PDE4B: variants seen among roughly 807,000 people sequenced by gnomAD.
PDE4B encodes the protein 3',5'-cyclic-AMP phosphodiesterase 4B.
In PDE4B, 20 loss-of-function variants were observed where a neutral mutation model predicts 82.2. The observed-to-expected ratio is 0.24, with a 90% CI of 0.17 to 0.35. The LOEUF is 0.35. PDE4B is among the 10% of genes least tolerant of loss of function. The probability of loss-of-function intolerance (pLI) is 1.00; values close to 1 mark genes in which losing one functional copy is unlikely to be tolerated. For missense variants in PDE4B, 655 were observed against 907.2 expected (o/e 0.72, Z 3.57); for synonymous variants, 320 against 318.9 (o/e 1.00, Z -0.04).
rs558017980 is a variant in PDE4B, at chr1:66,027,891, C to T, written c.281+109056C>T. On this transcript the variant is annotated intron_variant, in intron 3 of 16. Coordinates refer to ENST00000341517, the MANE Select transcript of PDE4B (RefSeq NM_002600.4). Reference sequence around the variant, plus strand: ...GACTTTGCAGGGTACAGCCCTCCCTCCTGGCTGCTTTCACAGGTGGGTGTT... The same window carrying T: ...GACTTTGCAGGGTACAGCCCTCCCTTCTGGCTGCTTTCACAGGTGGGTGTT... Among the ~76,000 whole-genome samples the T allele has an allele frequency of 4.6e-5, 7 of 152,332 alleles. No homozygotes were observed. In the East Asian group the frequency reaches 1.4e-3, roughly 29 times the overall value.
chr1:66,360,749 T>A (rs1662694358), intron 9 of PDE4B: 1 of 152,218 alleles, frequency 6.6e-6, no homozygotes, highest in Admixed American at 6.5e-5. Flanking sequence ...CTGATATTTT[T>A]AATAGCACAA....
chr1:66,187,421 C>G (rs1647283170), intron 3 of PDE4B, among the ~76,000 whole-genome samples: 1 of 152,190 alleles, frequency 6.6e-6, no homozygotes, highest in Admixed American at 6.5e-5. Flanking sequence ...CCAGTTCCTC[C>G]TTGTACCTCT....
intron 3 of PDE4B, among the ~76,000 whole-genome samples, chr1:65,978,396 G>A (rs772025395): frequency 3.0e-4 from 45 of 150,772 alleles, no homozygotes; most frequent in Non-Finnish European, 3.2e-4. Context: ...TACTTGGTCC[G>A]AACATTTACA....
chr1:65,883,550 T>C (rs1646734713), intron 1 of PDE4B, among the ~76,000 whole-genome samples: 1 of 152,172 alleles, frequency 6.6e-6, no homozygotes, highest in Admixed American at 6.5e-5. Flanking sequence ...TTTAAGGAGA[T>C]TTTGGGCTGA....
chr1:66,339,066 A>G (rs2101943004), intron 8 of PDE4B, among the ~76,000 whole-genome samples: 1 of 151,824 alleles, frequency 6.6e-6, no homozygotes, highest in Admixed American at 6.5e-5. Flanking sequence ...TTTTTAATTT[A>G]TATGATCATT....
At chr1:66,068,797 C>A (rs569252124) in intron 3 of PDE4B, among the ~76,000 whole-genome samples, 2 of 152,030 alleles carry the variant, frequency 1.3e-5, no homozygotes, top group African/African-American at 4.8e-5. Flanking sequence ...CAAATGAGAT[C>A]ATTTTTCATT....
chr1:66,357,421 G>GA (rs1219283588), intron 9 of PDE4B, among the ~76,000 whole-genome samples: 1 of 151,986 alleles, frequency 6.6e-6, no homozygotes, highest in Non-Finnish European at 1.5e-5. Context: ...AAAATAAAAA[G>GA]AAAAATTTAA....
intron 7 of PDE4B, among the ~76,000 whole-genome samples, chr1:66,281,791 T>C (rs1282175995): frequency 4.6e-5 from 7 of 152,218 alleles, no homozygotes; most frequent in African/African-American, 1.7e-4. Context: ...GTTTTTATCC[T>C]CAACAACCTT....
chr1:65,995,365 T>C (rs560734882), intron 3 of PDE4B, among the ~76,000 whole-genome samples: 1 of 152,308 alleles, frequency 6.6e-6, no homozygotes, highest in Non-Finnish European at 1.5e-5. Flanking sequence ...TTCTAGAAAA[T>C]AGACATGTAT....
intron 1 of PDE4B, among the ~76,000 whole-genome samples, chr1:65,864,677 GGGTATTAC>G (rs1298398159): frequency 6.6e-6 from 1 of 152,164 alleles, no homozygotes; most frequent in Non-Finnish European, 1.5e-5. Flanking sequence ...CTGTTCACCT[GGGTATTAC>G]CAGTGGAGGC....
intron 3 of PDE4B, among the ~76,000 whole-genome samples, chr1:65,984,378 A>G (rs1650847164): frequency 6.6e-6 from 1 of 152,188 alleles, no homozygotes; most frequent in Non-Finnish European, 1.5e-5. Context: ...TGAGGGTGAC[A>G]CAACTATTCT....
intron 7 of PDE4B, among the ~76,000 whole-genome samples, chr1:66,325,897 T>TAA (rs1235602508): frequency 6.6e-6 from 1 of 152,144 alleles, no homozygotes; most frequent in Non-Finnish European, 1.5e-5. Context: ...TAGTTTAAAC[T>TAA]ATCTTCCTGT....
chr1:66,255,028 CT>C lies in PDE4B; in HGVS notation c.477-2615del, dbSNP rs1030076056. On this transcript the variant is annotated intron_variant, in intron 4 of 16. Transcript: ENST00000341517. ...CCTCTCTCTTTTTCTTTTCTTTTCT[CT>C]TTTCTTTTCTTTTCTTTCATTCTTT... Among the ~76,000 whole-genome samples the C allele has an allele frequency of 3.1e-3, 476 of 151,662 alleles. 1 individual carries two copies. Among genetic ancestry groups the C allele is most frequent in the African/African-American group, 0.011 (454 of 41,356 alleles).
At chr1:66,114,320 C>A (rs1299044118) in intron 3 of PDE4B, among the ~76,000 whole-genome samples, 1 of 152,104 alleles carries the variant, frequency 6.6e-6, no homozygotes, top group African/African-American at 2.4e-5. Context: ...CCTGAACAGA[C>A]TAAGACATGA....
intron 3 of PDE4B, among the ~76,000 whole-genome samples, chr1:66,174,450 C>G (rs1285781451): frequency 1.3e-5 from 2 of 152,102 alleles, no homozygotes; most frequent in Non-Finnish European, 2.9e-5. Flanking sequence ...TTCATCCATT[C>G]TCACACTGCT....
intron 3 of PDE4B, among the ~76,000 whole-genome samples, chr1:66,137,119 T>C (rs1276984439): frequency 3.3e-5 from 5 of 152,130 alleles, no homozygotes; most frequent in African/African-American, 4.8e-5. Flanking sequence ...ATAGAGTTTT[T>C]AGAATTGGAG....
chr1:66,054,764 T>A (rs181232684), intron 3 of PDE4B, among the ~76,000 whole-genome samples: 1 of 152,230 alleles, frequency 6.6e-6, no homozygotes, highest in African/African-American at 2.4e-5. Flanking sequence ...AAATATATGA[T>A]GTATACATTC....
intron 3 of PDE4B, among the ~76,000 whole-genome samples, chr1:66,159,724 C>T (rs550536013): frequency 6.6e-6 from 1 of 151,850 alleles, no homozygotes; most frequent in Non-Finnish European, 1.5e-5. Context: ...GTAGAAATAA[C>T]GTAAAAGCTC....
chr1:66,083,234 G>A (rs74784764), intron 3 of PDE4B, among the ~76,000 whole-genome samples: 2,208 of 152,066 alleles, frequency 0.015, 54 homozygotes, highest in African/African-American at 0.051. Context: ...TAAATAGCTC[G>A]CTTGTGCCTC....
Sources: allele counts gnomAD v4.1 joint callset (sites outside exome capture counted in the v4.1 genomes callset), GRCh38; gene constraint gnomAD v4.1.1; transcripts MANE v1.5; gene names NCBI Gene and HGNC (gene_info 2026-07-23, HGNC 2026-07-21).